The following DNAH7 variants were observed in gnomAD, a reference collection of about 807,000 sequenced individuals.
DNAH7 encodes dynein axonemal heavy chain 7.
DNAH7 carries 397 observed loss-of-function variants against 444.6 expected under a neutral mutation model. The observed-to-expected ratio is 0.89, with a 90% CI of 0.82 to 0.97. DNAH7 has a LOEUF of 0.97. Among genes scored for constraint, DNAH7 ranks in the 50% least tolerant of loss-of-function variants. DNAH7 has a pLI of 0.00. For missense variants in DNAH7, 4,902 were observed against 4,800.8 expected (o/e 1.02, Z -0.62); for synonymous variants, 1,636 against 1,624.4 (o/e 1.01, Z -0.17).
At position 195,791,252 on chromosome 2, in the gene DNAH7, G is replaced by A. The variant is rs544343063; in HGVS notation, c.10716+3086C>T. On this transcript the variant is annotated intron_variant, in intron 57 of 64. Transcript: ENST00000312428. ...GGAGGTGAAGGCGCGTGGATCACGA[G>A]GTCAGGAGATCGAGACCATCCTGGC... Among the ~76,000 whole-genome samples the A allele has an allele frequency of 1.1e-4, 16 of 152,018 alleles. No individual in the cohort carries two copies. In the South Asian group the frequency reaches 2.9e-3, roughly 28 times the overall value.
At chr2:195,882,609 T>G (rs1472592122) in intron 35 of DNAH7, among the ~76,000 whole-genome samples, 1 of 152,230 alleles carries the variant, frequency 6.6e-6, no homozygotes, top group Non-Finnish European at 1.5e-5. Flanking sequence ...TGAGTTAACA[T>G]TGTGCCATAT....
At chr2:195,976,539 C>T (rs1692194013) in intron 15 of DNAH7, among the ~76,000 whole-genome samples, 1 of 152,156 alleles carries the variant, frequency 6.6e-6, no homozygotes, top group African/African-American at 2.4e-5. Context: ...ATGGCTTCAC[C>T]ATCTGCCAAT....
intron 21 of DNAH7, among the ~76,000 whole-genome samples, chr2:195,931,762 G>A (rs1449024408): frequency 6.6e-6 from 1 of 152,104 alleles, no homozygotes; most frequent in Admixed American, 6.5e-5. Context: ...TGAGGGCTCT[G>A]TTCTGTTACA....
At chr2:195,760,856 TA>T (rs1320700515) in intron 61 of DNAH7, among the ~76,000 whole-genome samples, 1 of 152,038 alleles carries the variant, frequency 6.6e-6, no homozygotes, top group Non-Finnish European at 1.5e-5. Flanking sequence ...AAGACTACAG[TA>T]AAAACTTATC....
chr2:195,775,646 A>AT (rs1695025721), intron 60 of DNAH7, among the ~76,000 whole-genome samples, 200 bp downstream of exon 60: 1 of 112,554 alleles, frequency 8.9e-6, no homozygotes, highest in Non-Finnish European at 2.2e-5. Flanking sequence ...AAAAAGATAG[A>AT]TGAAAAAAAA....
chr2:195,951,193 AT>A (rs1175727626), intron 19 of DNAH7, among the ~76,000 whole-genome samples: 1 of 152,042 alleles, frequency 6.6e-6, no homozygotes, highest in Non-Finnish European at 1.5e-5. Context: ...TAATTTAGTT[AT>A]TTACCCAGTA....
intron 41 of DNAH7, among the ~76,000 whole-genome samples, chr2:195,863,627 C>CAT (rs1559158090): frequency 9.2e-5 from 14 of 152,028 alleles, no homozygotes; most frequent in Non-Finnish European, 4.4e-5. Flanking sequence ...AAGTGAGACA[C>CAT]AGGGGTATTT....
At chr2:195,850,996 T>C (rs536933731) in intron 46 of DNAH7, among the ~76,000 whole-genome samples, 44 of 152,270 alleles carry the variant, frequency 2.9e-4, no homozygotes, top group African/African-American at 9.9e-4. Flanking sequence ...GGGAAGTACA[T>C]TCCCAGGCAC....
chr2:195,879,240 A>G (rs898221292), intron 36 of DNAH7, among the ~76,000 whole-genome samples: 5 of 152,208 alleles, frequency 3.3e-5, no homozygotes, highest in Non-Finnish European at 7.4e-5. Flanking sequence ...ATGCAGCGAC[A>G]CGCTGAGTCT....
At chr2:195,795,217 C>A (rs1270505794) in intron 56 of DNAH7, among the ~76,000 whole-genome samples, 1 of 152,176 alleles carries the variant, frequency 6.6e-6, no homozygotes, top group Non-Finnish European at 1.5e-5. Context: ...GCTGTCTCTA[C>A]TAAAAATACA....
At chr2:196,063,504 T>TAG (rs1698247849) in intron 1 of DNAH7, 1 of 152,240 alleles carries the variant, frequency 6.6e-6, no homozygotes, top group Non-Finnish European at 1.5e-5. Context: ...AACAGTTGTA[T>TAG]GTCTGCCCAA....
chr2:195,842,033 G>A (rs1419572780), intron 47 of DNAH7, among the ~76,000 whole-genome samples: 1 of 152,016 alleles, frequency 6.6e-6, no homozygotes, highest in Non-Finnish European at 1.5e-5. Context: ...AACAGACAAG[G>A]AAAGGTGTTA....
intron 15 of DNAH7, among the ~76,000 whole-genome samples, chr2:195,977,466 G>A (rs1167918577): frequency 2.6e-5 from 4 of 151,952 alleles, no homozygotes; most frequent in Non-Finnish European, 5.9e-5. Flanking sequence ...AAAAGAAAAA[G>A]GGATAAAAAA....
chr2:196,014,160 A>G (rs1384828485), intron 9 of DNAH7, among the ~76,000 whole-genome samples: 1 of 152,204 alleles, frequency 6.6e-6, no homozygotes, highest in Non-Finnish European at 1.5e-5. Flanking sequence ...ACTACCAGAC[A>G]CTGTTCTTGC....
intron 61 of DNAH7, among the ~76,000 whole-genome samples, chr2:195,763,068 CTA>C (rs1694421078): frequency 6.6e-6 from 1 of 152,170 alleles, no homozygotes; most frequent in South Asian, 2.1e-4. Context: ...ATTTTGGAAA[CTA>C]TACAAATACA....
chr2:195,945,622 T>C (rs1043316639), intron 19 of DNAH7, among the ~76,000 whole-genome samples: 1 of 152,184 alleles, frequency 6.6e-6, no homozygotes, highest in Non-Finnish European at 1.5e-5. Flanking sequence ...TCTTTTCTGC[T>C]TTTCAGCTCA....
At chr2:196,045,394 CAGAA>C (rs1697056816) in intron 5 of DNAH7, among the ~76,000 whole-genome samples, 1 of 151,200 alleles carries the variant, frequency 6.6e-6, no homozygotes, top group Non-Finnish European at 1.5e-5. Context: ...GAAAGAAAGG[CAGAA>C]AGAAAGAGCA....
At chr2:195,992,846 T>TGG (rs1693438506) in intron 12 of DNAH7, among the ~76,000 whole-genome samples, 1 of 152,244 alleles carries the variant, frequency 6.6e-6, no homozygotes, top group Non-Finnish European at 1.5e-5. Context: ...GGAAATGCCC[T>TGG]GGCATTCTTC....
At chr2:196,005,464 A>G (rs756996318) in intron 10 of DNAH7, among the ~76,000 whole-genome samples, 10 of 152,068 alleles carry the variant, frequency 6.6e-5, no homozygotes, top group Non-Finnish European at 1.0e-4. Flanking sequence ...ATGAACTTAT[A>G]GTTAAACTGA....
Sources: allele counts gnomAD v4.1 joint callset (sites outside exome capture counted in the v4.1 genomes callset), GRCh38; gene constraint gnomAD v4.1.1; transcripts MANE v1.5; gene names NCBI Gene and HGNC (gene_info 2026-07-23, HGNC 2026-07-21).